CFAP74: variants seen among roughly 807,000 people sequenced by gnomAD.
CFAP74 encodes the protein cilia- and flagella-associated protein 74.
Under a neutral mutation model 188.9 loss-of-function variants are expected in CFAP74, and 124 were observed. The ratio of observed to expected loss-of-function variants is 0.66; its 90% CI spans 0.57 to 0.76. The LOEUF is 0.76. Among genes scored for constraint, CFAP74 ranks in the 30% least tolerant of loss-of-function variants. CFAP74 has a pLI of 0.00. For synonymous variants in CFAP74, 956 were observed against 916.7 expected (o/e 1.04, Z -0.77); for missense variants, 2,198 against 2,165.2 (o/e 1.02, Z -0.30).
intron 22 of CFAP74, among the ~76,000 whole-genome samples, 186 bp from the exon 23 acceptor site, chr1:1,940,589 G>A (rs1215060066): frequency 1.3e-5 from 2 of 152,204 alleles, no homozygotes; most frequent in African/African-American, 4.8e-5. Context: ...TGGCCCCTGT[G>A]GCCCCGTGAG....
Position 1,940,416 on chromosome 1 carries a change from G to A in CFAP74, c.2616-13C>T. ...CGGGAGGGAGTGTCTGAAAGAGGCA[G>A]ACAAGGCGAATGTGCTTTCCTCTTT... On this transcript the variant is annotated splice_polypyrimidine_tract_variant and intron_variant, in intron 22 of 38. Coordinates refer to ENST00000682832, the MANE Select transcript of CFAP74 (RefSeq NM_001304360.2). The A allele has an allele frequency of 3.3e-6, 5 of 1,507,118 alleles. No individual in the cohort carries two copies. The highest frequency in any genetic ancestry group is 4.4e-6 in the Non-Finnish European group (5 of 1,129,196). The allele number at this position is 1,507,118 out of a possible 1,614,324, so 93.4% of individuals were successfully genotyped here.
intron 22 of CFAP74, among the ~76,000 whole-genome samples, chr1:1,941,265 G>C (rs1653357324): frequency 6.6e-6 from 1 of 152,210 alleles, no homozygotes; most frequent in Non-Finnish European, 1.5e-5. Flanking sequence ...AGTCCCACCA[G>C]GCCCGTGCCT....
intron 2 of CFAP74, among the ~76,000 whole-genome samples, chr1:1,989,713 G>A (rs1042701525): frequency 6.6e-6 from 1 of 152,160 alleles, no homozygotes; most frequent in African/African-American, 2.4e-5. Flanking sequence ...CACCCGTCTC[G>A]GCCTCCCCAA....
chr1:1,991,059 A>T, intron 1 of CFAP74, 84 bp from the exon 2 acceptor site: 2 of 917,698 alleles, frequency 2.2e-6, no homozygotes, highest in East Asian at 2.7e-5. Flanking sequence ...TAAAGAAGGC[A>T]TTAAGAAAAC....
intron 6 of CFAP74, among the ~76,000 whole-genome samples, chr1:1,981,843 G>A (rs1470746808): frequency 8.2e-6 from 1 of 122,052 alleles, no homozygotes; most frequent in Non-Finnish European, 1.7e-5. Context: ...ACGGGGGCAC[G>A]CAGGACACCC....
At chr1:1,952,986 C>A (rs909596439) in intron 18 of CFAP74, among the ~76,000 whole-genome samples, 1 of 152,122 alleles carries the variant, frequency 6.6e-6, no homozygotes, top group Non-Finnish European at 1.5e-5. Context: ...CAGTTCTCCC[C>A]AAATTGATCT....
At chr1:2,000,389 G>T (rs1658149449) in intron 1 of CFAP74, among the ~76,000 whole-genome samples, 1 of 152,182 alleles carries the variant, frequency 6.6e-6, no homozygotes, top group South Asian at 2.1e-4. Flanking sequence ...TTTTGGGGAA[G>T]GGGGAGATCA....
chr1:1,953,876 G>A (rs1485556378), intron 18 of CFAP74: 2 of 152,396 alleles, frequency 1.3e-5, no homozygotes, highest in Non-Finnish European at 2.9e-5. Flanking sequence ...GAAGAACTTT[G>A]ATTTGAGAAA....
At chr1:1,949,248 T>A (rs144980471) in intron 18 of CFAP74, among the ~76,000 whole-genome samples, 1 of 149,052 alleles carries the variant, frequency 6.7e-6, no homozygotes, top group African/African-American at 2.5e-5. Context: ...AACCTCTGCC[T>A]CCCGGGTTCA....
rs1442429263 is a variant in CFAP74 at position 1,935,158 on chromosome 1, GGTACACACGTGTGTAC to G, written c.3011+3681_3011+3696del. Among the ~76,000 whole-genome samples the G allele has an allele frequency of 9.6e-5, 8 of 83,196 alleles. 2 individuals are homozygous for G. Among genetic ancestry groups the G allele is most frequent in the Non-Finnish European group, 1.7e-4 (7 of 40,022 alleles). The allele number at this position is 83,196 out of a possible 152,430, so 54.6% of individuals were successfully genotyped here. ...GTGTGTACGTGGGTGTTAGGTTGTA[GGTACACACGTGTGTAC>G]GTGGGTGTTAGGTTGTGGGTACACA... On this transcript the variant is annotated intron_variant, in intron 25 of 38. Coordinates refer to ENST00000682832, the MANE Select transcript of CFAP74 (RefSeq NM_001304360.2).
intron 6 of CFAP74, among the ~76,000 whole-genome samples, chr1:1,977,172 T>C (rs983085031): frequency 6.6e-6 from 1 of 152,204 alleles, no homozygotes; most frequent in Non-Finnish European, 1.5e-5. Flanking sequence ...TATGACCCAG[T>C]GTCAGGCATT....
At chr1:1,937,631 T>C (rs567125114) in intron 25 of CFAP74, among the ~76,000 whole-genome samples, 28 of 152,258 alleles carry the variant, frequency 1.8e-4, no homozygotes, top group South Asian at 1.0e-3. Flanking sequence ...CGGCTGTGAC[T>C]GCCCCCCAGT....
chr1:1,970,373 G>A (rs562232590), intron 10 of CFAP74, among the ~76,000 whole-genome samples: 1 of 152,292 alleles, frequency 6.6e-6, no homozygotes, highest in Admixed American at 6.5e-5. Flanking sequence ...CAGGACAGGA[G>A]CCGGAGGCTC....
At position 1,923,145 on chromosome 1, in the gene CFAP74, G is replaced by C. The variant is rs141854138; in HGVS notation, c.4523C>G (p.Ala1508Gly). The C allele has an allele frequency of 6.2e-7, 1 of 1,606,120 alleles. No individual in the cohort carries two copies. The highest frequency in any genetic ancestry group is 8.5e-7 in the Non-Finnish European group (1 of 1,177,634). ...IPVFDPRHRE[A>G]SSRPGPLSPE... ...AGAGAGAGGGCCTGGCCGGGAGCTG[G>C]CTGGAGGGGTGTGGCCAGGGGAGCT... is the stretch of plus-strand genomic sequence containing the variant. The change falls in exon 37 of 39, where the codon GCC becomes GGC. Residue 1508 changes from alanine to glycine, a missense_variant and splice_region_variant. By Grantham distance (60) the Ala-to-Gly change is moderately conservative (BLOSUM62 0). Coordinates refer to ENST00000682832, the MANE Select transcript of CFAP74 (RefSeq NM_001304360.2). The surrounding 1 kb of genome is among the most constrained non-coding windows in gnomAD (Gnocchi z 6.3).
intron 23 of CFAP74, 130 bp from the exon 24 acceptor site, chr1:1,939,897 C>T (rs1443733871): frequency 2.2e-5 from 20 of 908,930 alleles, no homozygotes; most frequent in East Asian, 8.0e-5. Flanking sequence ...ACGACGAGGC[C>T]GTCTCTTCAT....
At position 1,945,889 on chromosome 1, in the gene CFAP74, CGTGTGTGCAT is replaced by C. The variant is rs1370558985; in HGVS notation, c.2364+418_2364+427del. On this transcript the variant is annotated intron_variant, in intron 20 of 38. Transcript: ENST00000682832. ...TGTGCACGTGTGTGTGTGGGCTCTG[CGTGTGTGCAT>C]GTGTGTGCATGTGTGTGAGGACTCT... 5.7e-5 allele frequency among the ~76,000 whole-genome samples: 8 copies of C among 139,488 alleles called. No homozygotes were observed. The South Asian group carries it at 1.7e-3, about 29-fold the overall frequency. The allele number at this position is 139,488 out of a possible 152,430, so 91.5% of individuals were successfully genotyped here. A position where few individuals can be genotyped will look rare whatever the true frequency, so the allele number is the denominator to read the frequency against.
chr1:1,956,717 A>C lies in CFAP74; in HGVS notation c.1919T>G (p.Ile640Ser), dbSNP rs1654659235. Residue 640 changes from isoleucine to serine, a missense_variant, in exon 17 of 39, where the codon ATC becomes AGC. Physicochemically the swap from Ile to Ser is moderately radical, Grantham distance 142. Transcript: ENST00000682832. ...CAAGCCCCCAACGTTGGTCAGCGTG[A>C]TGGTCCGAGACGTGGTCTCTCCTAC... ...YVVGETTSRT[I>S]TLTNVGGLGT... 1.2e-6 allele frequency: 2 copies of C among 1,613,848 alleles called. No individual in the cohort carries two copies. Among genetic ancestry groups the C allele is most frequent in the Admixed American group, 3.3e-5 (2 of 59,974 alleles).
At position 1,970,645 on chromosome 1, in the gene CFAP74, G is replaced by T. The variant is rs372220117; in HGVS notation, c.1046+14C>A. ...GCGGGTGCCTCCCGGTGGCACCTCTGCCACCACCCTCACCTCTTCTGGGCC... is the reference window on the plus strand; with the variant it reads ...GCGGGTGCCTCCCGGTGGCACCTCTTCCACCACCCTCACCTCTTCTGGGCC... On this transcript the variant is annotated intron_variant, in intron 10 of 38. Coordinates refer to ENST00000682832, the MANE Select transcript of CFAP74 (RefSeq NM_001304360.2). 58 of 1,596,662 alleles carry T rather than the reference G, an allele frequency of 3.6e-5. 1 individual carries two copies. The African/African-American group carries it at 5.6e-4, about 15-fold the overall frequency.
intron 6 of CFAP74, chr1:1,984,174 A>G (rs986705388): frequency 6.6e-6 from 1 of 151,534 alleles, no homozygotes; most frequent in East Asian, 1.9e-4. Context: ...TTGTATTTTT[A>G]GTAGAGACAG....
Sources: gnomAD v4.1 joint callset for allele counts (sites outside exome capture counted in the v4.1 genomes callset) on GRCh38, gnomAD v4.1.1 for gene constraint, Gnocchi (gnomAD v3.1) non-coding constraint, MANE v1.5 for transcripts, NCBI Gene and HGNC (gene_info 2026-07-23, HGNC 2026-07-21) for gene names.